The following PRR29 variants were observed in gnomAD, a reference collection of about 807,000 sequenced individuals.
PRR29 encodes the protein proline-rich protein 29.
A neutral mutation model predicts 25.1 loss-of-function variants in PRR29; 20 were observed. The observed-to-expected ratio is 0.80, with a 90% CI of 0.56 to 1.16. The LOEUF (loss-of-function observed/expected upper bound fraction) is 1.16. PRR29 is among the 50% of genes most tolerant of loss of function. The pLI, the probability that PRR29 is intolerant of heterozygous loss-of-function variation, is 0.00. For synonymous variants in PRR29, 108 were observed against 102.6 expected, an observed-to-expected ratio of 1.05 and a Z score of -0.32; for missense variants, 238 against 246.6, an observed-to-expected ratio of 0.97 and a Z score of 0.23.
At position 64,001,111 on chromosome 17, in the gene PRR29, C is replaced by A; in HGVS notation, c.271C>A (p.Pro91Thr). Residue 91 changes from proline (P) to threonine (T), a missense_variant, in exon 4 of 6, where the codon CCT becomes ACT. Physicochemically the swap from Pro to Thr is conservative, Grantham distance 38 (BLOSUM62 -1). Coordinates refer to ENST00000412177, the MANE Select transcript of PRR29 (RefSeq NM_001164257.2). ...QVYLEVPQEEPEEEEEEMDVR... is the reference protein window; with the variant it reads ...QVYLEVPQEETEEEEEEMDVR... ...CTACCTGGAGGTTCCACAGGAAGAG[C>A]CTGAGGAGGAGGAGGAGGAGATGGA... 6.5e-7 allele frequency: 1 copy of A among 1,537,382 alleles called. No individual in the cohort carries two copies. The highest frequency in any genetic ancestry group is 8.7e-7 in the Non-Finnish European group (1 of 1,146,910).
At position 64,001,180 on chromosome 17, in the gene PRR29, C is replaced by A; in HGVS notation, c.340C>A (p.Pro114Thr). The change falls in exon 4 of 6, where the codon CCC becomes ACC. Residue 114 changes from proline to threonine, a missense_variant. Coordinates refer to ENST00000412177, the MANE Select transcript of PRR29 (RefSeq NM_001164257.2). The part of the protein sequence containing the change: ...GPLVFHHHYL[P>T]YLMPSPGALL... ...TTTGGTGTTTCACCACCACTACTTGCCCTATTTGATGCCCTCCCCGGGTGC... is the reference window on the plus strand; with the variant it reads ...TTTGGTGTTTCACCACCACTACTTGACCTATTTGATGCCCTCCCCGGGTGC... 6.5e-7 allele frequency: 1 copy of A among 1,537,430 alleles called. No individual in the cohort carries two copies. The highest frequency in any genetic ancestry group is 1.2e-5 in the South Asian group (1 of 84,056).
At chr17:63,999,337 G>A (rs1157822925) in intron 3 of PRR29, 6 of 546,558 alleles carry the variant, frequency 1.1e-5, no homozygotes, top group Non-Finnish European at 1.6e-5. Flanking sequence ...CTGGACTTAA[G>A]GCTCCAGGAA....
intron 3 of PRR29, 74 bp downstream of exon 3, chr17:63,999,148 A>AG (rs1443301752): frequency 8.6e-7 from 1 of 1,160,420 alleles, no homozygotes; most frequent in Non-Finnish European, 1.2e-6. Context: ...GTTCCTGTTC[A>AG]GGGGGGAAAA....
chr17:64,002,914 C>T lies in PRR29; in HGVS notation c.*1153C>T, dbSNP rs918806614. On this transcript the variant is annotated 3_prime_UTR_variant, in exon 6 of 6. Coordinates refer to ENST00000412177, the MANE Select transcript of PRR29 (RefSeq NM_001164257.2). ...GTGACTATGATGACCATCTGGCTGT[C>T]CGACACAGGCTCTGGGGAGGGAGGG... 1 of 1,613,128 alleles carries T rather than the reference C, an allele frequency of 6.2e-7. No homozygotes were observed. The highest frequency in any genetic ancestry group is 8.5e-7 in the Non-Finnish European group (1 of 1,179,594).
At position 63,999,724 on chromosome 17, in the gene PRR29, T is replaced by C. The variant is rs547339925; in HGVS notation, c.243+650T>C. On this transcript the variant is annotated intron_variant, in intron 3 of 5. Coordinates refer to ENST00000412177, the MANE Select transcript of PRR29 (RefSeq NM_001164257.2). ...GTGCAAGAGTGTGTGTGTGTATGTG[T>C]GTGCAAGTGGGTGTCTGTGTGCATG... 221 of 158,102 alleles carry C rather than the reference T, an allele frequency of 1.4e-3. 2 individuals are homozygous for C. Among genetic ancestry groups the C allele is most frequent in the African/African-American group, 5.1e-3 (210 of 41,538 alleles). 9.8% of individuals were successfully genotyped at this position (158,102 alleles called of 1,614,324 possible). A position where few individuals can be genotyped will look rare whatever the true frequency, so the allele number is the denominator to read the frequency against.
rs541971708 is a variant in PRR29 at position 64,001,508 on chromosome 17, C to T, written c.512C>T (p.Thr171Ile). Residue 171 changes from threonine (T) to isoleucine (I), a missense_variant, in exon 5 of 6, where the codon ACT becomes ATT. Coordinates refer to ENST00000412177, the MANE Select transcript of PRR29 (RefSeq NM_001164257.2). ...CCCCCACCCCCCAGTGCCACAGGGA[C>T]TGTGGGTGCTGATGTACCCCCGGCT... Reference protein sequence around the residue: ...PPPPPPSATGTVGADVPPASD... With the variant: ...PPPPPPSATGIVGADVPPASD... 1.5e-4 allele frequency: 226 copies of T among 1,515,052 alleles called. 4 individuals are homozygous for T. The South Asian group carries it at 2.4e-3, about 16-fold the overall frequency. 93.9% of individuals were successfully genotyped at this position (1,515,052 alleles called of 1,614,324 possible).
At position 64,002,807 on chromosome 17, in the gene PRR29, C is replaced by CCGCTGCT. The variant is rs1482729496; in HGVS notation, c.*1047_*1053dup. 3.1e-6 allele frequency: 5 copies of CCGCTGCT among 1,613,698 alleles called. No individual in the cohort carries two copies. The highest frequency in any genetic ancestry group is 4.2e-6 in the Non-Finnish European group (5 of 1,179,994). Reference sequence around the variant, plus strand: ...CCGCTCGCACCCCGTAGGTGCCCATCCGCTGCTGGCGCAAGTGCTGGCCGA... The same window carrying CCGCTGCT: ...CCGCTCGCACCCCGTAGGTGCCCATCCGCTGCTCGCTGCTGGCGCAAGTGCTGGCCGA... On this transcript the variant is annotated 3_prime_UTR_variant, in exon 6 of 6. Transcript: ENST00000412177.
intron 2 of PRR29, 91 bp from the exon 3 acceptor site, chr17:63,998,877 C>T (rs566929793): frequency 2.0e-5 from 28 of 1,379,062 alleles, no homozygotes; most frequent in Non-Finnish European, 2.8e-5. Flanking sequence ...GCAGCACAAC[C>T]CGCCAACCCA....
intron 3 of PRR29, 172 bp from the exon 4 acceptor site, chr17:64,000,912 C>A (rs1383009764): frequency 1.6e-6 from 1 of 622,924 alleles, no homozygotes; most frequent in East Asian, 2.8e-5. Context: ...GTGATCCGCC[C>A]GCCTCGGCCT....
At position 64,001,223 on chromosome 17, in the gene PRR29, C is replaced by A; in HGVS notation, c.383C>A (p.Ala128Asp). The change falls in exon 4 of 6, where the codon GCC (alanine) becomes GAC (aspartate). Residue 128 changes from alanine (A) to aspartate (D), a missense_variant. By Grantham distance (126) the Ala-to-Asp change is moderately radical. Coordinates refer to ENST00000412177, the MANE Select transcript of PRR29 (RefSeq NM_001164257.2). ...CCGGGTGCCCTGCTGCCCTGGCCAG[C>A]CCCCTTCTTCCCCACCCCTGCTTGT... ...PSPGALLPWP[A>D]PFFPTPACQP... The A allele has an allele frequency of 6.5e-7, 1 of 1,537,392 alleles. No individual in the cohort carries two copies.
intron 5 of PRR29, 68 bp from the exon 6 acceptor site, chr17:64,001,665 C>T: frequency 6.6e-7 from 1 of 1,525,856 alleles, no homozygotes; most frequent in Middle Eastern, 1.7e-4. Flanking sequence ...TGGCCTGTCC[C>T]CTTCCCTTTA....
intron 3 of PRR29, 188 bp downstream of exon 3, chr17:63,999,262 AC>A (rs891051406): frequency 2.0e-5 from 12 of 595,942 alleles, no homozygotes; most frequent in African/African-American, 1.9e-4. Context: ...CGGGGAAGAG[AC>A]CCCCCAAAGT....
Position 64,001,456 on chromosome 17 carries a change from C to A in PRR29, c.471-11C>A. 1 of 1,498,504 alleles carries A rather than the reference C, an allele frequency of 6.7e-7. No individual in the cohort carries two copies. Among genetic ancestry groups the A allele is most frequent in the Non-Finnish European group, 8.9e-7 (1 of 1,128,030 alleles). The allele number at this position is 1,498,504 out of a possible 1,614,324, so 92.8% of individuals were successfully genotyped here. A position where few individuals can be genotyped will look rare whatever the true frequency, so the allele number is the denominator to read the frequency against. On this transcript the variant is annotated splice_polypyrimidine_tract_variant and intron_variant, in intron 4 of 5. Coordinates refer to ENST00000412177, the MANE Select transcript of PRR29 (RefSeq NM_001164257.2). Reference sequence around the variant, plus strand: ...CCTCTGATGGGGGTCTTTTTCTTTCCCCCATCTCAGGAGAGCTGTGCCCCC... The same window carrying A: ...CCTCTGATGGGGGTCTTTTTCTTTCACCCATCTCAGGAGAGCTGTGCCCCC...
In PRR29 at chr17:64,003,026, C is replaced by T. The variant is rs566171862; in HGVS notation, c.*1265C>T. ...ACCCCCAACCCAGACCCCCAGACCC[C>T]GCCGCCCGCTCATGCATCCAGCAGT... On this transcript the variant is annotated 3_prime_UTR_variant, in exon 6 of 6. Coordinates refer to ENST00000412177, the MANE Select transcript of PRR29 (RefSeq NM_001164257.2). The T allele has an allele frequency of 4.1e-4, 419 of 1,018,468 alleles. No homozygotes were observed. The highest frequency in any genetic ancestry group is 5.4e-4 in the Non-Finnish European group (373 of 696,964). 63.1% of individuals were successfully genotyped at this position (1,018,468 alleles called of 1,614,324 possible).
chr17:64,002,424 C>A lies in PRR29; in HGVS notation c.*663C>A, dbSNP rs533333816. ...TGGGCCAGGGTGTGTTTCCCCCACC[C>A]TCCCTCAGTAGCAATGAGCTACTCG... On this transcript the variant is annotated 3_prime_UTR_variant, in exon 6 of 6. Transcript: ENST00000412177. 5.6e-4 allele frequency: 235 copies of A among 422,166 alleles called. No individual in the cohort carries two copies. Among genetic ancestry groups the A allele is most frequent in the African/African-American group, 4.4e-3 (223 of 50,696 alleles). The allele number at this position is 422,166 out of a possible 1,614,324, so 26.2% of individuals were successfully genotyped here.
chr17:63,999,570 T>C (rs1196908882), intron 3 of PRR29: 1 of 162,778 alleles, frequency 6.1e-6, no homozygotes, highest in Non-Finnish European at 1.3e-5. Context: ...CAGAGGATCT[T>C]AGAACCAGCC....
intron 3 of PRR29, 67 bp from the exon 4 acceptor site, chr17:64,001,017 G>A (rs113890994): frequency 7.8e-7 from 1 of 1,282,152 alleles, no homozygotes; most frequent in Non-Finnish European, 1.1e-6. Flanking sequence ...GGGGAATGGA[G>A]GAGTGGCGGT....
In PRR29 at chr17:63,998,827, A is replaced by G. The variant is rs1199905432; in HGVS notation, c.136+45A>G. On this transcript the variant is annotated intron_variant, in intron 2 of 5. Transcript: ENST00000412177. ...CCACCCCACCCCCACCATCACCACCACTCACCCTCTTCTGCCTCGCACATC... is the reference window on the plus strand; with the variant it reads ...CCACCCCACCCCCACCATCACCACCGCTCACCCTCTTCTGCCTCGCACATC... The G allele has an allele frequency of 3.8e-5, 17 of 442,440 alleles. No individual in the cohort carries two copies. In the East Asian group the frequency reaches 1.4e-3, roughly 37 times the overall value. The allele number at this position is 442,440 out of a possible 1,614,324, so 27.4% of individuals were successfully genotyped here.
Position 63,998,604 on chromosome 17 carries a change from C to G in PRR29, c.61-103C>G, listed in dbSNP as rs374421282. 34 of 1,036,942 alleles carry G rather than the reference C, an allele frequency of 3.3e-5. No homozygotes were observed. The African/African-American group carries it at 4.0e-4, about 12-fold the overall frequency. 64.2% of individuals were successfully genotyped at this position (1,036,942 alleles called of 1,614,324 possible). A position where few individuals can be genotyped will look rare whatever the true frequency, so the allele number is the denominator to read the frequency against. Reference sequence around the variant, plus strand: ...CGGGGCGGGGAGGAGAGAACCTGGCCCCTGCGGGGTTAGGGAGGCCACTGG... The same window carrying G: ...CGGGGCGGGGAGGAGAGAACCTGGCGCCTGCGGGGTTAGGGAGGCCACTGG... On this transcript the variant is annotated intron_variant, in intron 1 of 5. Coordinates refer to ENST00000412177, the MANE Select transcript of PRR29 (RefSeq NM_001164257.2).
Sources: gnomAD v4.1 joint callset for allele counts on GRCh38, gnomAD v4.1.1 for gene constraint, MANE v1.5 for transcripts, NCBI Gene and HGNC (gene_info 2026-07-23, HGNC 2026-07-21) for gene names.